SUPT3H: variants seen among roughly 807,000 people sequenced by gnomAD.
The protein encoded by SUPT3H is SPT3 homolog, SAGA and STAGA complex component.
A neutral mutation model predicts 44.3 loss-of-function variants in SUPT3H; 44 were observed. The ratio of observed to expected loss-of-function variants is 0.99; its 90% confidence interval spans 0.78 to 1.28. The LOEUF is 1.28. SUPT3H is among the 50% of genes most tolerant of loss of function. The pLI is 0.00. For synonymous variants in SUPT3H, 124 were observed against 125.6 expected (o/e 0.99, Z 0.09); for missense variants, 380 against 387.1 (o/e 0.98, Z 0.15).
chr6:44,903,339 T>C (rs1325007530), intron 10 of SUPT3H, among the ~76,000 whole-genome samples: 3 of 152,100 alleles, frequency 2.0e-5, no homozygotes, highest in East Asian at 1.9e-4. Flanking sequence ...TAAAAAATGA[T>C]AAAGGGGATA....
intron 1 of SUPT3H, among the ~76,000 whole-genome samples, chr6:45,372,333 T>C (rs6928753): frequency 0.42 from 63,210 of 152,054 alleles, 13,923 homozygotes; most frequent in Non-Finnish European, 0.5. Context: ...TAGTTCATGC[T>C]GATGATGATG....
At chr6:45,180,292 C>T (rs1329896556) in intron 2 of SUPT3H, among the ~76,000 whole-genome samples, 1 of 147,146 alleles carries the variant, frequency 6.8e-6, no homozygotes, top group Non-Finnish European at 1.5e-5. Context: ...GCCATACTGC[C>T]CAAGGTAATT....
chr6:45,296,046 G>A (rs1373357313), intron 2 of SUPT3H, among the ~76,000 whole-genome samples: 2 of 151,892 alleles, frequency 1.3e-5, no homozygotes, highest in South Asian at 2.1e-4. Flanking sequence ...AGCACAATTC[G>A]CAACTGCAAA....
At chr6:44,962,318 C>T (rs1776142020) in intron 6 of SUPT3H, among the ~76,000 whole-genome samples, 1 of 152,124 alleles carries the variant, frequency 6.6e-6, no homozygotes, top group South Asian at 2.1e-4. Context: ...AAGGTAAACA[C>T]AATACAGATC....
chr6:45,324,521 T>C (rs1786042629), intron 2 of SUPT3H, among the ~76,000 whole-genome samples: 1 of 146,368 alleles, frequency 6.8e-6, no homozygotes, highest in South Asian at 2.1e-4. Flanking sequence ...TGTATAGAAA[T>C]GAGGGAAAAA....
intron 10 of SUPT3H, among the ~76,000 whole-genome samples, chr6:44,918,126 A>T (rs749784682): frequency 6.6e-6 from 1 of 152,194 alleles, no homozygotes; most frequent in Non-Finnish European, 1.5e-5. Context: ...ATCTCTCTTT[A>T]GAAATATGAA....
At chr6:44,942,162 C>T (rs1436694173) in intron 9 of SUPT3H, among the ~76,000 whole-genome samples, 1 of 152,166 alleles carries the variant, frequency 6.6e-6, no homozygotes, top group Non-Finnish European at 1.5e-5. Context: ...TTAATTACAA[C>T]TCCTTCTCAC....
At chr6:45,350,535 T>C (rs1791797565) in intron 2 of SUPT3H, among the ~76,000 whole-genome samples, 1 of 152,092 alleles carries the variant, frequency 6.6e-6, no homozygotes, top group African/African-American at 2.4e-5. Context: ...CCAATAATAG[T>C]CACAAACTTG....
At chr6:45,126,655 T>C (rs2153581726) in intron 2 of SUPT3H, among the ~76,000 whole-genome samples, 1 of 152,304 alleles carries the variant, frequency 6.6e-6, no homozygotes, top group South Asian at 2.1e-4. Context: ...GTGTTAGCGA[T>C]GTAAGGATTA....
At chr6:45,197,381 A>C (rs945376827) in intron 2 of SUPT3H, among the ~76,000 whole-genome samples, 3 of 151,538 alleles carry the variant, frequency 2.0e-5, no homozygotes, top group African/African-American at 7.2e-5. Context: ...AAATAAATCT[A>C]CCAAGGAATT....
chr6:45,230,332 G>A (rs1767724594), intron 2 of SUPT3H, among the ~76,000 whole-genome samples: 1 of 151,886 alleles, frequency 6.6e-6, no homozygotes, highest in Admixed American at 6.6e-5. Context: ...GGATGTTCAG[G>A]CCTGCACAAT....
chr6:44,915,639 T>G (rs1767695742), intron 10 of SUPT3H, among the ~76,000 whole-genome samples: 1 of 152,236 alleles, frequency 6.6e-6, no homozygotes, highest in Non-Finnish European at 1.5e-5. Flanking sequence ...CTCTGAAGTC[T>G]GCTACCTGGA....
chr6:45,031,623 G>C (rs1786952533), intron 3 of SUPT3H, among the ~76,000 whole-genome samples: 1 of 152,200 alleles, frequency 6.6e-6, no homozygotes, highest in African/African-American at 2.4e-5. Flanking sequence ...GAACTAAAGA[G>C]AGGTGAATAT....
chr6:45,101,469 T>C lies in SUPT3H; in HGVS notation c.186+4453A>G, dbSNP rs149536349. On this transcript the variant is annotated intron_variant, in intron 3 of 10. Transcript: ENST00000371459. Reference sequence around the variant, plus strand: ...AAGTTGATCTCATAATAGTAGAGAATAGAATAGTAGTTACTAGAGGTGAGG... The same window carrying C: ...AAGTTGATCTCATAATAGTAGAGAACAGAATAGTAGTTACTAGAGGTGAGG... 3.3e-5 allele frequency among the ~76,000 whole-genome samples: 5 copies of C among 152,160 alleles called. No individual in the cohort carries two copies. The East Asian group carries it at 7.8e-4, about 24-fold the overall frequency.
intron 5 of SUPT3H, among the ~76,000 whole-genome samples, chr6:45,007,014 A>G (rs1782812248): frequency 6.6e-6 from 1 of 152,066 alleles, no homozygotes; most frequent in Non-Finnish European, 1.5e-5. Flanking sequence ...ATATTTGCAT[A>G]TTGTCGAATA....
At chr6:45,042,384 T>C (rs1446433730) in intron 3 of SUPT3H, among the ~76,000 whole-genome samples, 3 of 152,136 alleles carry the variant, frequency 2.0e-5, no homozygotes, top group Non-Finnish European at 2.9e-5. Flanking sequence ...CATCATGGCA[T>C]TGCACTCCAG....
chr6:44,878,450 CT>C (rs534997505), intron 10 of SUPT3H, among the ~76,000 whole-genome samples: 168 of 145,480 alleles, frequency 1.2e-3, no homozygotes, highest in Middle Eastern at 3.5e-3. Context: ...GCACTAAAGC[CT>C]TTTTTTTTTT....
At chr6:44,877,324 C>T (rs1777477566) in intron 10 of SUPT3H, among the ~76,000 whole-genome samples, 1 of 152,030 alleles carries the variant, frequency 6.6e-6, no homozygotes, top group African/African-American at 2.4e-5. Context: ...AAAAAATTAG[C>T]CAGGCGTGGT....
intron 2 of SUPT3H, among the ~76,000 whole-genome samples, chr6:45,115,111 G>A (rs1336036912): frequency 1.3e-5 from 2 of 152,060 alleles, no homozygotes; most frequent in Non-Finnish European, 2.9e-5. Flanking sequence ...AGTCATAGAG[G>A]ACTTTTCTCA....
Sources: allele counts gnomAD v4.1 joint callset (sites outside exome capture counted in the v4.1 genomes callset), GRCh38; gene constraint gnomAD v4.1.1; transcripts MANE v1.5; gene names NCBI Gene and HGNC (gene_info 2026-07-23, HGNC 2026-07-21).